Variants in HPSE2 observed in about 807,000 individuals in gnomAD.
The protein encoded by HPSE2 is heparanase 2 (inactive).
In HPSE2, 38 loss-of-function variants were observed where a neutral mutation model predicts 60.5. The observed-to-expected ratio is 0.63, with a 90% confidence interval of 0.48 to 0.82. The LOEUF (loss-of-function observed/expected upper bound fraction) is 0.82. Among genes scored for constraint, HPSE2 ranks in the 40% least tolerant of loss-of-function variants. The pLI is 0.00. For missense variants in HPSE2, 713 were observed against 740.4 expected (o/e 0.96, Z 0.43); for synonymous variants, 295 against 293.2 (o/e 1.01, Z -0.06).
the HPSE2 span, among the ~76,000 whole-genome samples, chr10:99,247,172 A>G: frequency 6.6e-6 from 1 of 152,226 alleles, no homozygotes; most frequent in Non-Finnish European, 1.5e-5. Flanking sequence ...AGAATGCTAT[A>G]CAGTTAAGAC....
intron 3 of HPSE2, among the ~76,000 whole-genome samples, chr10:98,849,601 C>T (rs7078565): frequency 0.84 from 128,318 of 152,132 alleles, 54,396 homozygotes; most frequent in African/African-American, 0.91. Flanking sequence ...GGATTTACTA[C>T]GGCCATAACC....
At chr10:98,899,646 A>G (rs982111461) in intron 3 of HPSE2, among the ~76,000 whole-genome samples, 2 of 152,190 alleles carry the variant, frequency 1.3e-5, no homozygotes, top group South Asian at 4.1e-4. Context: ...GGCTAAAAAT[A>G]AAAGACTGAC....
rs1324867137 is a variant in HPSE2, at chr10:98,712,191, C to T, written c.956+9466G>A. On this transcript the variant is annotated intron_variant, in intron 5 of 11. Transcript: ENST00000370552. The stretch of plus-strand genomic sequence containing the variant: ...GACTCCAGCCTCCATCTCCAATGTT[C>T]GACAGACTGACTTCTCTGGTATTAG... Among the ~76,000 whole-genome samples the T allele has an allele frequency of 5.9e-5, 9 of 151,744 alleles. No homozygotes were observed. In the South Asian group the frequency reaches 6.3e-4, roughly 11 times the overall value.
chr10:99,196,160 A>C (rs1054702627), intron 2 of HPSE2, among the ~76,000 whole-genome samples: 1 of 152,186 alleles, frequency 6.6e-6, no homozygotes, highest in Admixed American at 6.5e-5. Context: ...CCATATGCAG[A>C]AGAATAAAAC....
intron 3 of HPSE2, among the ~76,000 whole-genome samples, chr10:98,956,523 AGGCTT>A (rs1955514135): frequency 6.6e-6 from 1 of 152,160 alleles, no homozygotes; most frequent in Non-Finnish European, 1.5e-5. Context: ...TCAGAGACTC[AGGCTT>A]TCCAAATCTC....
chr10:99,105,789 A>C (rs1029552167), intron 3 of HPSE2, among the ~76,000 whole-genome samples: 3 of 152,042 alleles, frequency 2.0e-5, no homozygotes, highest in Non-Finnish European at 4.4e-5. Context: ...ATTTTGAGCT[A>C]AACTTCGTGT....
intron 6 of HPSE2, among the ~76,000 whole-genome samples, chr10:98,651,491 G>C (rs998705952): frequency 6.6e-6 from 1 of 152,110 alleles, no homozygotes; most frequent in South Asian, 2.1e-4. Context: ...ATGTCCCTCC[G>C]TAACAAAATG....
At chr10:99,308,694 T>A in the HPSE2 span, among the ~76,000 whole-genome samples, 1 of 152,164 alleles carries the variant, frequency 6.6e-6, no homozygotes, top group African/African-American at 2.4e-5. Flanking sequence ...TATCATTCTA[T>A]TCATAGAATT....
intron 7 of HPSE2, among the ~76,000 whole-genome samples, chr10:98,636,267 T>C (rs1425720618): frequency 1.3e-5 from 2 of 150,050 alleles, no homozygotes; most frequent in Non-Finnish European, 3.0e-5. Context: ...TGAAACAGAG[T>C]CTCGCTCTGT....
At chr10:99,074,843 T>G (rs201453985) in intron 3 of HPSE2, among the ~76,000 whole-genome samples, 1 of 152,156 alleles carries the variant, frequency 6.6e-6, no homozygotes, top group East Asian at 1.9e-4. Context: ...TGGCATGTAA[T>G]TGTTCATAGT....
intron 11 of HPSE2, chr10:98,461,777 C>A (rs375352081): frequency 4.6e-5 from 73 of 1,589,330 alleles, no homozygotes; most frequent in Non-Finnish European, 5.8e-5. Flanking sequence ...AGGTAATGCC[C>A]TTTTAGATTC....
intron 2 of HPSE2, among the ~76,000 whole-genome samples, chr10:99,159,081 A>G (rs1408359955): frequency 6.6e-6 from 1 of 152,116 alleles, no homozygotes; most frequent in Non-Finnish European, 1.5e-5. Flanking sequence ...ATAATCAATC[A>G]ATAATCTAAG....
Position 98,459,277 on chromosome 10 carries a change from G to C in HPSE2, c.*297C>G. ...CTGGAAACATTTCTCCTGGGAGTGT[G>C]CTGTCAGCTCGTTTTCATAGTGCAC... On this transcript the variant is annotated 3_prime_UTR_variant, in exon 12 of 12. Transcript: ENST00000370552. 2.4e-6 allele frequency: 1 copy of C among 415,632 alleles called. No homozygotes were observed. The allele number at this position is 415,632 out of a possible 1,614,324, so 25.7% of individuals were successfully genotyped here.
At chr10:98,705,682 A>C (rs1442854462) in intron 5 of HPSE2, among the ~76,000 whole-genome samples, 2 of 152,118 alleles carry the variant, frequency 1.3e-5, no homozygotes, top group African/African-American at 4.8e-5. Context: ...GCATGTTCTC[A>C]CTCATAAGTG....
At chr10:99,155,416 G>C (rs1402299198) in intron 2 of HPSE2, among the ~76,000 whole-genome samples, 1 of 148,830 alleles carries the variant, frequency 6.7e-6, no homozygotes, top group African/African-American at 2.4e-5. Flanking sequence ...TCAGACCACA[G>C]TGCAATCAAA....
chr10:98,946,557 CAG>C (rs1361442425), intron 3 of HPSE2, among the ~76,000 whole-genome samples: 1 of 150,760 alleles, frequency 6.6e-6, no homozygotes, highest in Non-Finnish European at 1.5e-5. Flanking sequence ...GCAGAGGAAA[CAG>C]AGTGTTGGGT....
chr10:99,165,893 AC>A (rs1847060532), intron 2 of HPSE2, among the ~76,000 whole-genome samples: 1 of 152,118 alleles, frequency 6.6e-6, no homozygotes, highest in African/African-American at 2.4e-5. Flanking sequence ...CTAGCCCATT[AC>A]CATACAAAAT....
intron 2 of HPSE2, among the ~76,000 whole-genome samples, chr10:99,208,713 T>C (rs1292344810): frequency 6.7e-6 from 1 of 148,906 alleles, no homozygotes; most frequent in Non-Finnish European, 1.5e-5. Context: ...AAAAAAGACA[T>C]AGAGTGACTG....
At chr10:98,739,348 C>T (rs1337359282) in intron 4 of HPSE2, among the ~76,000 whole-genome samples, 1 of 151,318 alleles carries the variant, frequency 6.6e-6, no homozygotes, top group African/African-American at 2.4e-5. Flanking sequence ...GGAGCGATAT[C>T]ATTAGGACAA....
Sources: allele counts gnomAD v4.1 joint callset (sites outside exome capture counted in the v4.1 genomes callset), GRCh38; gene constraint gnomAD v4.1.1; transcripts MANE v1.5; gene names NCBI Gene and HGNC (gene_info 2026-07-23, HGNC 2026-07-21).